CADM2: variants seen among roughly 807,000 people sequenced by gnomAD.
CADM2 encodes the protein cell adhesion molecule 2.
In CADM2, 12 loss-of-function variants were observed where a neutral mutation model predicts 49.8. That is an observed-to-expected ratio of 0.24 (90% CI 0.15 to 0.39). The LOEUF (loss-of-function observed/expected upper bound fraction) is 0.39. Among genes scored for constraint, CADM2 ranks in the 10% least tolerant of loss-of-function variants. The pLI is 1.00. For missense variants in CADM2, 378 were observed against 492.3 expected (o/e 0.77, Z 2.20); for synonymous variants, 214 against 175.4 (o/e 1.22, Z -1.74).
rs1049895799 is a variant in CADM2 at position 85,233,489 on chromosome 3, T to C, written c.61+273821T>C. Among the ~76,000 whole-genome samples the C allele has an allele frequency of 3.4e-4, 51 of 152,234 alleles. 1 individual carries two copies. Among genetic ancestry groups the C allele is most frequent in the South Asian group, 8.3e-4 (4 of 4,824 alleles). ...ACTATGTGAGGGGAGGTGGATTATA[T>C]GAAACATCTCTACTTTCTGGGTCAG... On this transcript the variant is annotated intron_variant, in intron 1 of 9. Coordinates refer to ENST00000383699, the MANE Select transcript of CADM2 (RefSeq NM_001167675.2).
chr3:85,240,004 G>T (rs985674712), intron 1 of CADM2, among the ~76,000 whole-genome samples: 1 of 151,338 alleles, frequency 6.6e-6, no homozygotes, highest in African/African-American at 2.4e-5. Flanking sequence ...TAGTAAGAAT[G>T]AATGAGATTT....
chr3:85,618,020 GAA>G (rs1269747309), intron 1 of CADM2, among the ~76,000 whole-genome samples: 13 of 152,086 alleles, frequency 8.5e-5, no homozygotes, highest in African/African-American at 3.1e-4. Context: ...TGAATCTATT[GAA>G]CAATTACTTG....
chr3:86,056,517 T>G (rs1377363978), intron 8 of CADM2, among the ~76,000 whole-genome samples: 7 of 152,200 alleles, frequency 4.6e-5, no homozygotes, highest in African/African-American at 1.4e-4. Flanking sequence ...TTAATAAAAT[T>G]TATTGTGAAA....
chr3:85,144,712 A>G (rs145956765), intron 1 of CADM2, among the ~76,000 whole-genome samples: 1,730 of 152,248 alleles, frequency 0.011, 14 homozygotes, highest in Non-Finnish European at 0.016. Flanking sequence ...ATTCTTGAGT[A>G]TTGGTTTTGC....
chr3:85,956,416 T>C (rs1397695274), intron 7 of CADM2, among the ~76,000 whole-genome samples: 2 of 151,666 alleles, frequency 1.3e-5, no homozygotes, highest in Non-Finnish European at 3.0e-5. Context: ...TTAAGAAGCT[T>C]GAACATTTTA....
intron 1 of CADM2, among the ~76,000 whole-genome samples, chr3:85,504,680 C>T (rs956733901): frequency 1.3e-5 from 2 of 152,218 alleles, no homozygotes; most frequent in African/African-American, 4.8e-5. Flanking sequence ...CGCCCGCACT[C>T]CGCAGCCCTT....
At chr3:85,399,266 TTTTGTCAGG>T (rs1475318784) in intron 1 of CADM2, among the ~76,000 whole-genome samples, 1 of 152,228 alleles carries the variant, frequency 6.6e-6, no homozygotes, top group Non-Finnish European at 1.5e-5. Context: ...CATTGCTTGT[TTTTGTCAGG>T]TTTGTCAAAG....
intron 1 of CADM2, among the ~76,000 whole-genome samples, chr3:85,264,014 G>C (rs73130753): frequency 1.1e-4 from 16 of 151,962 alleles, no homozygotes; most frequent in Admixed American, 2.6e-4. Flanking sequence ...TTTATTCATA[G>C]GGAAAATGGA....
intron 1 of CADM2, among the ~76,000 whole-genome samples, chr3:85,222,145 T>C (rs765933524): frequency 6.6e-6 from 1 of 152,190 alleles, no homozygotes; most frequent in Non-Finnish European, 1.5e-5. Flanking sequence ...GAAGGCTGGT[T>C]TGGTCACTTG....
intron 2 of CADM2, among the ~76,000 whole-genome samples, chr3:85,779,190 G>A (rs1378005073): frequency 6.7e-6 from 1 of 149,368 alleles, no homozygotes; most frequent in African/African-American, 2.6e-5. Context: ...ATTCTCCTGA[G>A]TTAATGATTT....
chr3:86,043,707 C>G (rs1736256712), intron 8 of CADM2, among the ~76,000 whole-genome samples: 1 of 152,174 alleles, frequency 6.6e-6, no homozygotes, highest in Non-Finnish European at 1.5e-5. Context: ...TTGGAAAAAA[C>G]TACTTTAAAT....
intron 1 of CADM2, among the ~76,000 whole-genome samples, chr3:85,693,435 CCGGGCGCAGTGG>C (rs2066448148): frequency 6.7e-6 from 1 of 150,314 alleles, no homozygotes; most frequent in Non-Finnish European, 1.5e-5. Flanking sequence ...AAAAAATTAG[CCGGGCGCAGTGG>C]CGGGCGCCTG....
chr3:85,097,764 A>G (rs2037856710), intron 1 of CADM2, among the ~76,000 whole-genome samples: 1 of 152,212 alleles, frequency 6.6e-6, no homozygotes, highest in African/African-American at 2.4e-5. Flanking sequence ...AGACTGATAC[A>G]TCAATGAGAA....
chr3:85,611,708 CTTT>C (rs201572143), intron 1 of CADM2, among the ~76,000 whole-genome samples: 83,262 of 146,936 alleles, frequency 0.57, 24,493 homozygotes, highest in East Asian at 0.81. Flanking sequence ...CAGAGGAATA[CTTT>C]TTTTTTTTTT....
At chr3:85,534,796 C>A (rs1371096100) in intron 1 of CADM2, among the ~76,000 whole-genome samples, 1 of 152,080 alleles carries the variant, frequency 6.6e-6, no homozygotes, top group Non-Finnish European at 1.5e-5. Flanking sequence ...TTCAAGGTCT[C>A]TATCTTCTAT....
At chr3:85,013,277 A>G (rs1468412404) in intron 1 of CADM2, among the ~76,000 whole-genome samples, 2 of 151,990 alleles carry the variant, frequency 1.3e-5, no homozygotes, top group South Asian at 4.1e-4. Flanking sequence ...TCTTTTTTGT[A>G]TGACCTATAG....
At chr3:85,513,805 T>A (rs1476897312) in intron 1 of CADM2, among the ~76,000 whole-genome samples, 1 of 152,022 alleles carries the variant, frequency 6.6e-6, no homozygotes, top group African/African-American at 2.4e-5. Flanking sequence ...GAGTCTAAGA[T>A]TGATAGTTAT....
chr3:85,312,641 T>C (rs1280526228), intron 1 of CADM2, among the ~76,000 whole-genome samples: 2 of 152,156 alleles, frequency 1.3e-5, no homozygotes, highest in African/African-American at 4.8e-5. Flanking sequence ...ACTTTGTTAA[T>C]ACTCACTATA....
intron 1 of CADM2, among the ~76,000 whole-genome samples, chr3:85,223,871 C>T (rs566967542): frequency 2.9e-4 from 44 of 152,156 alleles, no homozygotes; most frequent in African/African-American, 8.7e-4. Context: ...TCTCTTCTTG[C>T]GTTACTTTGC....
Sources: allele counts gnomAD v4.1 joint callset (sites outside exome capture counted in the v4.1 genomes callset), GRCh38; gene constraint gnomAD v4.1.1; transcripts MANE v1.5; gene names NCBI Gene and HGNC (gene_info 2026-07-23, HGNC 2026-07-21).